The following OR51B5 variants were observed in gnomAD, a reference collection of about 807,000 sequenced individuals.
The protein encoded by OR51B5 is olfactory receptor family 51 subfamily B member 5.
For synonymous variants in OR51B5, 186 were observed against 144.8 expected (o/e 1.28, Z -2.04); for missense variants, 456 against 374.6 (o/e 1.22, Z -1.79).
intron 1 of OR51B5, among the ~76,000 whole-genome samples, chr11:5,354,275 C>G (rs1849151900): frequency 6.6e-6 from 1 of 152,170 alleles, no homozygotes; most frequent in African/African-American, 2.4e-5. Context: ...TAAGCCACAT[C>G]AAAGAAAATC....
chr11:5,390,390 T>G, intron 1 of OR51B5: 1 of 1,572,498 alleles, frequency 6.4e-7, no homozygotes, highest in South Asian at 1.2e-5. Context: ...GTCCTGGGGC[T>G]AAAACTCCCC....
At chr11:5,472,163 A>C (rs1400174761) in intron 1 of OR51B5, among the ~76,000 whole-genome samples, 2 of 152,218 alleles carry the variant, frequency 1.3e-5, no homozygotes, top group Non-Finnish European at 2.9e-5. Flanking sequence ...CACACAGTGA[A>C]GCTCCAAGCA....
intron 1 of OR51B5, chr11:5,440,770 C>T: frequency 6.2e-7 from 1 of 1,613,936 alleles, no homozygotes. Context: ...GCCAGCACTG[C>T]ACAGATGTGT....
intron 1 of OR51B5, among the ~76,000 whole-genome samples, chr11:5,451,533 C>G (rs957630701): frequency 5.3e-5 from 8 of 152,174 alleles, no homozygotes; most frequent in Non-Finnish European, 1.0e-4. Flanking sequence ...GGGACATATT[C>G]AGTACAACAC....
intron 1 of OR51B5, among the ~76,000 whole-genome samples, chr11:5,367,843 CA>C (rs1451755343): frequency 2.1e-4 from 32 of 152,142 alleles, no homozygotes; most frequent in Non-Finnish European, 4.6e-4. Context: ...TATATGCATT[CA>C]AAAATGTATT....
chr11:5,367,469 T>A (rs1846318), intron 1 of OR51B5, among the ~76,000 whole-genome samples: 90,454 of 151,962 alleles, frequency 0.6, 27,020 homozygotes, highest in South Asian at 0.7. Flanking sequence ...TTCAGACCGC[T>A]TAGCGTAACT....
rs1380316226 is a variant in OR51B5 at position 5,478,602 on chromosome 11, G to T, written n.84+26967C>A. Among the ~76,000 whole-genome samples the T allele has an allele frequency of 2.5e-4, 37 of 150,062 alleles. No individual in the cohort carries two copies. In the East Asian group the frequency reaches 7.0e-3, roughly 29 times the overall value. On this transcript the variant is annotated intron_variant and non_coding_transcript_variant, in intron 1 of 4. Coordinates refer to the OR51B5 transcript ENST00000415970. Reference sequence around the variant, plus strand: ...CATTCAAACCAAAGGCAAAGAAGTGGAAAACTTTGAAAAAAATTTAGAAGA... The same window carrying T: ...CATTCAAACCAAAGGCAAAGAAGTGTAAAACTTTGAAAAAAATTTAGAAGA...
At chr11:5,478,277 C>T (rs1851350602) in intron 1 of OR51B5, among the ~76,000 whole-genome samples, 1 of 151,976 alleles carries the variant, frequency 6.6e-6, no homozygotes, top group African/African-American at 2.4e-5. Flanking sequence ...GCAGGGTATT[C>T]CAACAGACTT....
intron 1 of OR51B5, among the ~76,000 whole-genome samples, chr11:5,480,262 A>G (rs1280960800): frequency 3.6e-4 from 54 of 150,628 alleles, no homozygotes; most frequent in Admixed American, 2.1e-3. Context: ...TGACTACTGG[A>G]TACATAACGA....
chr11:5,367,107 C>A (rs1175269650), intron 1 of OR51B5, among the ~76,000 whole-genome samples: 1 of 152,206 alleles, frequency 6.6e-6, no homozygotes, highest in Non-Finnish European at 1.5e-5. Context: ...AAGAGAAGCT[C>A]TGCCACACAT....
chr11:5,446,304 C>CA (rs35174250), intron 1 of OR51B5, among the ~76,000 whole-genome samples: 1,875 of 148,884 alleles, frequency 0.013, 43 homozygotes, highest in African/African-American at 0.045. Flanking sequence ...TGAGGTAACC[C>CA]AAAAAAAAAA....
At chr11:5,370,250 G>T (rs543771960) in intron 1 of OR51B5, among the ~76,000 whole-genome samples, 42 of 152,270 alleles carry the variant, frequency 2.8e-4, no homozygotes, top group Non-Finnish European at 5.1e-4. Flanking sequence ...TTGAAGGTTT[G>T]AATGTTTAAT....
chr11:5,390,694 A>G (rs1320772080), intron 1 of OR51B5: 1 of 262,176 alleles, frequency 3.8e-6, no homozygotes, highest in Non-Finnish European at 7.2e-6. Flanking sequence ...AAAGAACAAT[A>G]AATACCAGAG....
At chr11:5,380,397 A>T (rs1849591861) in intron 1 of OR51B5, among the ~76,000 whole-genome samples, 1 of 152,184 alleles carries the variant, frequency 6.6e-6, no homozygotes, top group African/African-American at 2.4e-5. Flanking sequence ...CTCCAGTCTG[A>T]AAGACCCGCA....
chr11:5,340,953 TGCACTC>T (rs1185939127), downstream of OR51B5: 4 of 152,186 alleles, frequency 2.6e-5, no homozygotes, highest in Admixed American at 6.5e-5. Context: ...ATCACATATA[TGCACTC>T]ACACTCACAA....
intron 1 of OR51B5, among the ~76,000 whole-genome samples, chr11:5,383,157 G>A (rs1352097477): frequency 6.6e-6 from 1 of 152,088 alleles, no homozygotes; most frequent in Non-Finnish European, 1.5e-5. Context: ...TTTTGTAAAG[G>A]CTACTTGTTG....
chr11:5,384,185 T>C (rs1849651158), intron 1 of OR51B5, among the ~76,000 whole-genome samples: 1 of 152,212 alleles, frequency 6.6e-6, no homozygotes, highest in African/African-American at 2.4e-5. Flanking sequence ...CTTTGTTTGT[T>C]GTTTTTAGAA....
chr11:5,415,188 C>T (rs1488634205), intron 1 of OR51B5, among the ~76,000 whole-genome samples: 12 of 151,774 alleles, frequency 7.9e-5, no homozygotes, highest in Non-Finnish European at 1.6e-4. Flanking sequence ...GGGTACAAAA[C>T]GAAATGAAGG....
At chr11:5,460,946 G>GGC (rs1356725940) in intron 1 of OR51B5, among the ~76,000 whole-genome samples, 1 of 152,222 alleles carries the variant, frequency 6.6e-6, no homozygotes. Context: ...AGCACCTGTT[G>GGC]CACTGGAGGG....
Sources: gnomAD v4.1 joint callset for allele counts (sites outside exome capture counted in the v4.1 genomes callset) on GRCh38, gnomAD v4.1.1 for gene constraint, MANE v1.5 for transcripts, NCBI Gene and HGNC (gene_info 2026-07-23, HGNC 2026-07-21) for gene names.